CAPRIN1: variants seen among roughly 807,000 people sequenced by gnomAD.
The protein encoded by CAPRIN1 is cell cycle associated protein 1, also known as caprin-1.
A neutral mutation model predicts 100.9 loss-of-function variants in CAPRIN1; 29 were observed. That is an observed-to-expected ratio of 0.29 (90% confidence interval 0.21 to 0.39). CAPRIN1 has a LOEUF of 0.39. Ranked by LOEUF, CAPRIN1 falls within the 10% of genes least tolerant of loss-of-function variation. The pLI is 1.00. For synonymous variants in CAPRIN1, 338 were observed against 307.5 expected (o/e 1.10, Z -1.04); for missense variants, 795 against 876.7 (o/e 0.91, Z 1.18).
intron 14 of CAPRIN1, 199 bp from the exon 15 acceptor site, chr11:34,091,707 T>G: frequency 2.1e-6 from 1 of 478,216 alleles, no homozygotes; most frequent in Non-Finnish European, 3.7e-6. Context: ...ATACTCCCCT[T>G]TAAGTACTAT....
chr11:34,094,963 ACTT>A (rs769438137), intron 15 of CAPRIN1, among the ~76,000 whole-genome samples: 12 of 151,534 alleles, frequency 7.9e-5, no homozygotes, highest in Non-Finnish European at 7.4e-5. Context: ...GCTCACTACA[ACTT>A]CTTCCTTCCA....
chr11:34,057,467 G>T (rs1040324398), intron 2 of CAPRIN1, among the ~76,000 whole-genome samples: 1 of 152,150 alleles, frequency 6.6e-6, no homozygotes, highest in African/African-American at 2.4e-5. Flanking sequence ...CCATGTGGCA[G>T]ATATTTGAGA....
intron 2 of CAPRIN1, among the ~76,000 whole-genome samples, chr11:34,069,923 AAAG>A (rs1267864559): frequency 1.3e-4 from 19 of 150,906 alleles, no homozygotes; most frequent in Admixed American, 3.3e-4. Context: ...AAAAAAAAAA[AAAG>A]AAAAAACAAA....
intron 7 of CAPRIN1, among the ~76,000 whole-genome samples, chr11:34,080,423 C>T (rs1851005036): frequency 1.3e-5 from 2 of 152,040 alleles, no homozygotes; most frequent in Non-Finnish European, 2.9e-5. Context: ...TCTGACATGC[C>T]CAGATTTGCT....
intron 8 of CAPRIN1, 28 bp downstream of exon 8, chr11:34,082,905 A>T (rs1851061675): frequency 6.2e-7 from 1 of 1,613,192 alleles, no homozygotes; most frequent in Non-Finnish European, 8.5e-7. Flanking sequence ...TGCTGCCTTT[A>T]CTTTGCTGCC....
At chr11:34,084,725 G>GT (rs1288902689) in intron 9 of CAPRIN1, among the ~76,000 whole-genome samples, 1 of 152,162 alleles carries the variant, frequency 6.6e-6, no homozygotes, top group Non-Finnish European at 1.5e-5. Flanking sequence ...TGGGATGTAT[G>GT]TTTTTAGGGG....
At chr11:34,059,879 CTTTTTTTT>C (rs570241213) in intron 2 of CAPRIN1, among the ~76,000 whole-genome samples, 3 of 109,848 alleles carry the variant, frequency 2.7e-5, no homozygotes, top group Admixed American at 9.5e-5. Context: ...TAGAAGAATA[CTTTTTTTT>C]TTTTTTTTTT....
At chr11:34,099,032 A>T (rs1385051430) in intron 18 of CAPRIN1, 6 of 1,332,478 alleles carry the variant, frequency 4.5e-6, no homozygotes, top group Non-Finnish European at 5.8e-6. Flanking sequence ...CATAGTAGGC[A>T]CTCAATAAAT....
At chr11:34,059,828 T>C (rs929909926) in intron 2 of CAPRIN1, among the ~76,000 whole-genome samples, 18 of 152,044 alleles carry the variant, frequency 1.2e-4, no homozygotes, top group Admixed American at 1.2e-3. Flanking sequence ...CTGAAGGGTT[T>C]TTTACTTTTT....
intron 15 of CAPRIN1, 149 bp downstream of exon 15, chr11:34,092,205 T>A: frequency 1.4e-6 from 1 of 722,898 alleles, no homozygotes; most frequent in Non-Finnish European, 2.1e-6. Context: ...GATCATGAGT[T>A]AAATTGAGTC....
intron 7 of CAPRIN1, among the ~76,000 whole-genome samples, chr11:34,080,981 C>T (rs890255451): frequency 2.0e-5 from 3 of 152,138 alleles, no homozygotes; most frequent in Admixed American, 1.3e-4. Flanking sequence ...CTGCTTCATA[C>T]TACTACTTAT....
At chr11:34,070,352 A>G (rs1465459743) in intron 2 of CAPRIN1, among the ~76,000 whole-genome samples, 1 of 152,274 alleles carries the variant, frequency 6.6e-6, no homozygotes, top group African/African-American at 2.4e-5. Context: ...GATGAAGTAC[A>G]TTAAAGACAA....
At chr11:34,087,366 C>T (rs1390767819) in intron 11 of CAPRIN1, among the ~76,000 whole-genome samples, 2 of 103,684 alleles carry the variant, frequency 1.9e-5, no homozygotes, top group Non-Finnish European at 3.8e-5. Flanking sequence ...CGGAGTCTCG[C>T]TCTGTCGCCC....
At chr11:34,089,285 A>ACCCC (rs1851217386) in intron 11 of CAPRIN1, 110 bp from the exon 12 acceptor site, 1 of 1,274 alleles carries the variant, frequency 7.8e-4, no homozygotes, top group African/African-American at 2.8e-3. Context: ...CCCCCCCGCA[A>ACCCC]AAAAAAAAAA....
chr11:34,069,298 C>T lies in CAPRIN1; in HGVS notation c.217-2428C>T, dbSNP rs530549636. Among the ~76,000 whole-genome samples the T allele has an allele frequency of 2.0e-3, 300 of 151,748 alleles. 1 individual carries two copies. Among genetic ancestry groups the T allele is most frequent in the Non-Finnish European group, 3.4e-3 (229 of 67,908 alleles). ...CTGAGTAGCTGGGATTACAAGTGCG[C>T]GCCACCATGCCTGGCTAATTTTTGT... On this transcript the variant is annotated intron_variant, in intron 2 of 18. Transcript: ENST00000341394.
intron 9 of CAPRIN1, among the ~76,000 whole-genome samples, chr11:34,084,766 G>A (rs2134122477): frequency 1.3e-5 from 2 of 152,302 alleles, no homozygotes; most frequent in Admixed American, 1.3e-4. Context: ...TAGCATGGAT[G>A]TAGAAGTAGA....
chr11:34,097,915 T>A, intron 18 of CAPRIN1, 154 bp downstream of exon 18: 1 of 1,389,578 alleles, frequency 7.2e-7, no homozygotes, highest in Non-Finnish European at 9.4e-7. Context: ...AAACTTAATC[T>A]TGGACCCAAA....
intron 14 of CAPRIN1, 100 bp from the exon 15 acceptor site, chr11:34,091,806 G>A: frequency 9.4e-7 from 1 of 1,065,742 alleles, no homozygotes; most frequent in Non-Finnish European, 1.4e-6. Flanking sequence ...CCTCTGTGAT[G>A]TCTTTATTTA....
intron 2 of CAPRIN1, chr11:34,055,788 C>G (rs1590717085): frequency 1.3e-5 from 2 of 152,066 alleles, no homozygotes; most frequent in East Asian, 3.8e-4. Context: ...TAGATAGCAG[C>G]AAAAAGGTCA....
Sources: allele counts gnomAD v4.1 joint callset (sites outside exome capture counted in the v4.1 genomes callset), GRCh38; gene constraint gnomAD v4.1.1; transcripts MANE v1.5; gene names NCBI Gene and HGNC (gene_info 2026-07-23, HGNC 2026-07-21).